Variants in KIAA1671 observed in about 807,000 individuals in gnomAD.
KIAA1671 encodes the protein uncharacterized protein KIAA1671.
Under a neutral mutation model 131.2 loss-of-function variants are expected in KIAA1671, and 52 were observed. The observed-to-expected ratio is 0.40, with a 90% CI of 0.32 to 0.50. The LOEUF is 0.50. KIAA1671 is among the 20% of genes least tolerant of loss of function. The pLI, the probability that KIAA1671 is intolerant of heterozygous loss-of-function variation, is 0.73. For missense variants in KIAA1671, 2,360 were observed against 2,364.2 expected, an observed-to-expected ratio of 1.00 and a Z score of 0.04; for synonymous variants, 1,003 against 961.6, an observed-to-expected ratio of 1.04 and a Z score of -0.80.
chr22:24,997,699 C>T (rs1924212393), intron 1 of KIAA1671, among the ~76,000 whole-genome samples: 1 of 152,060 alleles, frequency 6.6e-6, no homozygotes, highest in South Asian at 2.1e-4. Context: ...CTGGAGGCCA[C>T]TCGAAGTTTG....
intron 6 of KIAA1671, among the ~76,000 whole-genome samples, chr22:25,125,554 G>C (rs781328735): frequency 2.6e-5 from 4 of 152,116 alleles, no homozygotes; most frequent in Non-Finnish European, 5.9e-5. Flanking sequence ...TGTAGAACTG[G>C]GTTTCACACC....
intron 1 of KIAA1671, among the ~76,000 whole-genome samples, chr22:24,977,047 A>G (rs752388402): frequency 1.3e-5 from 2 of 152,188 alleles, no homozygotes; most frequent in African/African-American, 2.4e-5. Flanking sequence ...TATTAATAGT[A>G]GAACCATCTC....
chr22:24,961,964 C>G (rs548512676), intron 1 of KIAA1671, among the ~76,000 whole-genome samples: 3 of 152,174 alleles, frequency 2.0e-5, no homozygotes, highest in African/African-American at 4.8e-5. Context: ...AGTTCACCAA[C>G]TGAGTCTCAG....
intron 6 of KIAA1671, among the ~76,000 whole-genome samples, chr22:25,156,012 CTTTTTTTTTTT>C (rs57822676): frequency 0.18 from 6,474 of 35,456 alleles, 700 homozygotes; most frequent in African/African-American, 0.43. Context: ...TGTGTATGTG[CTTTTTTTTTTT>C]TTTTTTTTTT....
intron 6 of KIAA1671, among the ~76,000 whole-genome samples, chr22:25,065,589 A>G (rs896206603): frequency 5.9e-5 from 9 of 152,062 alleles, no homozygotes; most frequent in Non-Finnish European, 1.2e-4. Flanking sequence ...AAACAAAATT[A>G]TGTCTAAGGG....
At chr22:24,954,561 A>G (rs775744015) in intron 1 of KIAA1671, among the ~76,000 whole-genome samples, 14 of 152,190 alleles carry the variant, frequency 9.2e-5, no homozygotes, top group Non-Finnish European at 1.9e-4. Flanking sequence ...TTGAGCACCT[A>G]TGTCAGGAGC....
intron 8 of KIAA1671, 161 bp from the exon 9 acceptor site, chr22:25,177,187 T>G: frequency 1.5e-6 from 1 of 666,860 alleles, no homozygotes; most frequent in Non-Finnish European, 2.5e-6. Flanking sequence ...AATTTAGGCT[T>G]TGGGTGTTAG....
At chr22:25,088,605 CAG>C (rs1168470823) in intron 6 of KIAA1671, among the ~76,000 whole-genome samples, 1 of 152,116 alleles carries the variant, frequency 6.6e-6, no homozygotes, top group African/African-American at 2.4e-5. Flanking sequence ...TTTTTAGGGA[CAG>C]AACATTTAAT....
intron 6 of KIAA1671, among the ~76,000 whole-genome samples, chr22:25,142,844 G>A (rs1932826245): frequency 6.6e-6 from 1 of 152,222 alleles, no homozygotes; most frequent in Admixed American, 6.5e-5. Flanking sequence ...CTGGGCAACA[G>A]AGCAAGACTC....
chr22:25,015,987 A>C (rs1434452173), intron 1 of KIAA1671, among the ~76,000 whole-genome samples: 1 of 151,644 alleles, frequency 6.6e-6, no homozygotes, highest in African/African-American at 2.4e-5. Context: ...TTTATTGAGC[A>C]CTGACTTTTT....
intron 12 of KIAA1671, among the ~76,000 whole-genome samples, chr22:25,191,996 A>T (rs2146056893): frequency 6.6e-6 from 1 of 152,308 alleles, no homozygotes; most frequent in South Asian, 2.1e-4. Context: ...ATGATTATGT[A>T]TGATGCATGT....
At chr22:25,015,729 TA>T (rs60732334) in intron 1 of KIAA1671, among the ~76,000 whole-genome samples, 60,447 of 151,966 alleles carry the variant, frequency 0.4, 12,100 homozygotes, top group Middle Eastern at 0.48. Flanking sequence ...CTTCTGTGGG[TA>T]ATGGGTGTGT....
intron 1 of KIAA1671, among the ~76,000 whole-genome samples, chr22:24,984,907 C>T (rs1346579010): frequency 2.0e-5 from 2 of 100,832 alleles, no homozygotes; most frequent in African/African-American, 1.0e-4. Flanking sequence ...AGCTAGACTA[C>T]GTCTCAAAAA....
chr22:25,179,203 G>A (rs887608239), intron 9 of KIAA1671: 2 of 1,121,366 alleles, frequency 1.8e-6, no homozygotes, highest in South Asian at 2.7e-5. Context: ...CTGGGGGCGG[G>A]GGTGGGGGAG....
intron 6 of KIAA1671, chr22:25,056,784 G>A (rs1226953768): frequency 7.2e-6 from 1 of 138,224 alleles, no homozygotes; most frequent in African/African-American, 2.7e-5. Context: ...CTGCACTCCA[G>A]CCTGGTGACA....
At chr22:25,016,104 A>C (rs141590273) in intron 1 of KIAA1671, among the ~76,000 whole-genome samples, 328 of 147,540 alleles carry the variant, frequency 2.2e-3, no homozygotes, top group South Asian at 5.2e-3. Context: ...CACTGCAACC[A>C]CCACCTCCCG....
chr22:25,170,896 G>A lies in KIAA1671; in HGVS notation c.4607G>A (p.Ser1536Asn), dbSNP rs529962326. 2 of 1,551,718 alleles carry A rather than the reference G, an allele frequency of 1.3e-6. No individual in the cohort carries two copies. Among genetic ancestry groups the A allele is most frequent in the South Asian group, 1.2e-5 (1 of 84,058 alleles). Residue 1536 changes from serine (S) to asparagine (N), a missense_variant, in exon 7 of 13, where the codon AGC (serine) becomes AAC (asparagine). By Grantham distance (46) the Ser-to-Asn change is conservative. Around this residue, in one of 3 missense-constraint regions of KIAA1671, gnomAD observed 1,161 missense variants for 1,204.7 expected, o/e 0.96. Transcript: ENST00000358431. ...DTDTLVHEAG[S>N]QYGTWTEQCQ... ...GACACCCTCGTGCACGAAGCCGGCA[G>A]CCAGTATGGGACGTGGACAGAGCAG... is the stretch of plus-strand genomic sequence containing the variant.
intron 5 of KIAA1671, among the ~76,000 whole-genome samples, chr22:25,042,990 G>C (rs973071200): frequency 8.6e-5 from 13 of 151,956 alleles, no homozygotes; most frequent in Non-Finnish European, 2.9e-5. Context: ...GCTGTTTGTG[G>C]GGTCATGAAC....
intron 1 of KIAA1671, among the ~76,000 whole-genome samples, chr22:24,989,498 TCA>T (rs1210896888): frequency 6.6e-6 from 1 of 152,098 alleles, no homozygotes. Flanking sequence ...AACTCTGAGC[TCA>T]GTCTCTTCAC....
Sources: allele counts gnomAD v4.1 joint callset (sites outside exome capture counted in the v4.1 genomes callset), GRCh38; gene constraint gnomAD v4.1.1; regional missense constraint gnomAD v4.1.1; transcripts MANE v1.5; gene names NCBI Gene and HGNC (gene_info 2026-07-23, HGNC 2026-07-21).